Variants in MARCHF1 observed in about 807,000 individuals in gnomAD.
MARCHF1 encodes E3 ubiquitin-protein ligase MARCHF1.
In MARCHF1, 40 loss-of-function variants were observed where a neutral mutation model predicts 54.2. The observed-to-expected ratio is 0.74, with a 90% CI of 0.57 to 0.96. The LOEUF (loss-of-function observed/expected upper bound fraction) is 0.96. MARCHF1 is among the 40% of genes least tolerant of loss of function. MARCHF1 has a pLI of 0.00. For missense variants in MARCHF1, 586 were observed against 656.5 expected, an observed-to-expected ratio of 0.89 and a Z score of 1.17; for synonymous variants, 236 against 236.3, an observed-to-expected ratio of 1.00 and a Z score of 0.01.
intron 4 of MARCHF1, among the ~76,000 whole-genome samples, chr4:163,808,232 T>TA (rs1297094398): frequency 6.6e-6 from 1 of 152,216 alleles, no homozygotes; most frequent in Non-Finnish European, 1.5e-5. Flanking sequence ...TCAATTTCAC[T>TA]AATCACATGC....
chr4:164,275,755 C>A (rs373293225), intron 1 of MARCHF1, among the ~76,000 whole-genome samples: 5 of 152,260 alleles, frequency 3.3e-5, no homozygotes, highest in East Asian at 1.9e-4. Flanking sequence ...AGAAAAAGGC[C>A]TTTTCCCTTT....
At chr4:163,757,846 A>G (rs1451271251) in intron 4 of MARCHF1, among the ~76,000 whole-genome samples, 2 of 152,194 alleles carry the variant, frequency 1.3e-5, no homozygotes, top group Non-Finnish European at 2.9e-5. Context: ...TAAGGACTGG[A>G]GCATTAGCAT....
intron 4 of MARCHF1, among the ~76,000 whole-genome samples, chr4:163,810,129 T>C (rs957838700): frequency 6.6e-6 from 1 of 152,000 alleles, no homozygotes; most frequent in Non-Finnish European, 1.5e-5. Context: ...CCTTGTAAAT[T>C]TGGATTCTAT....
At chr4:164,325,752 T>A (rs897621667) in intron 1 of MARCHF1, among the ~76,000 whole-genome samples, 7 of 151,608 alleles carry the variant, frequency 4.6e-5, no homozygotes, top group Non-Finnish European at 8.8e-5. Context: ...AAAAAAGACC[T>A]CAGTGCTCAA....
intron 1 of MARCHF1, among the ~76,000 whole-genome samples, chr4:164,232,090 C>T (rs2111182325): frequency 6.6e-6 from 1 of 152,156 alleles, no homozygotes; most frequent in East Asian, 1.9e-4. Flanking sequence ...CAGCCACTCA[C>T]ATGACAAGCT....
At chr4:163,890,259 G>A (rs1750632471) in intron 3 of MARCHF1, among the ~76,000 whole-genome samples, 1 of 152,000 alleles carries the variant, frequency 6.6e-6, no homozygotes, top group Non-Finnish European at 1.5e-5. Context: ...TTAAATGTAG[G>A]AATGTATGTT....
intron 3 of MARCHF1, among the ~76,000 whole-genome samples, chr4:163,975,212 A>ACC (rs1268068270): frequency 6.6e-6 from 1 of 151,752 alleles, no homozygotes; most frequent in Admixed American, 6.6e-5. Flanking sequence ...ACACACACAC[A>ACC]CACACACACA....
intron 1 of MARCHF1, among the ~76,000 whole-genome samples, chr4:164,225,397 T>C (rs929199400): frequency 6.6e-5 from 10 of 152,112 alleles, no homozygotes; most frequent in African/African-American, 2.4e-4. Context: ...AATAACCTGA[T>C]GTCCTGTGAC....
At chr4:163,993,182 G>C (rs1391437446) in intron 2 of MARCHF1, among the ~76,000 whole-genome samples, 4 of 152,024 alleles carry the variant, frequency 2.6e-5, no homozygotes, top group Non-Finnish European at 5.9e-5. Context: ...AAGCTTAGTG[G>C]AAATAATGAG....
At chr4:164,026,315 C>T (rs1277044786) in intron 2 of MARCHF1, among the ~76,000 whole-genome samples, 1 of 152,030 alleles carries the variant, frequency 6.6e-6, no homozygotes, top group Non-Finnish European at 1.5e-5. Context: ...CCCTGATGAA[C>T]GTAGATTCAT....
intron 4 of MARCHF1, among the ~76,000 whole-genome samples, chr4:163,852,821 C>A (rs1209708076): frequency 6.6e-6 from 1 of 152,100 alleles, no homozygotes; most frequent in East Asian, 1.9e-4. Flanking sequence ...TTGTATCCTC[C>A]CAAAATTCAT....
At chr4:163,664,507 T>C (rs1011625931) in intron 5 of MARCHF1, among the ~76,000 whole-genome samples, 2 of 152,056 alleles carry the variant, frequency 1.3e-5, no homozygotes, top group African/African-American at 4.8e-5. Context: ...CCCAACACCC[T>C]AGCCAGTCAG....
intron 8 of MARCHF1, among the ~76,000 whole-genome samples, 181 bp from the exon 9 acceptor site, chr4:163,545,924 A>G (rs1209623464): frequency 5.3e-5 from 8 of 151,384 alleles, no homozygotes; most frequent in African/African-American, 1.9e-4. Flanking sequence ...TAACCTAGAG[A>G]GTTACATATA....
intron 2 of MARCHF1, among the ~76,000 whole-genome samples, chr4:164,111,144 C>G (rs533108156): frequency 6.6e-6 from 1 of 151,502 alleles, no homozygotes; most frequent in Non-Finnish European, 1.5e-5. Flanking sequence ...ATGTATAATC[C>G]AAGTATTAGT....
chr4:163,683,365 C>A (rs374627461), intron 5 of MARCHF1, among the ~76,000 whole-genome samples: 1 of 152,048 alleles, frequency 6.6e-6, no homozygotes, highest in Non-Finnish European at 1.5e-5. Context: ...AAGAACAGCA[C>A]GGGAAAGACC....
At chr4:163,548,079 G>A (rs1317852662) in intron 8 of MARCHF1, among the ~76,000 whole-genome samples, 1 of 152,198 alleles carries the variant, frequency 6.6e-6, no homozygotes, top group South Asian at 2.1e-4. Flanking sequence ...AAAACCTCAT[G>A]TCCGTGCAAG....
chr4:164,125,503 A>G (rs1756160852), intron 1 of MARCHF1, among the ~76,000 whole-genome samples: 1 of 152,186 alleles, frequency 6.6e-6, no homozygotes, highest in Non-Finnish European at 1.5e-5. Context: ...AAGAGATCTT[A>G]TGAATTCCAG....
At chr4:163,772,275 G>T (rs1747183689) in intron 4 of MARCHF1, among the ~76,000 whole-genome samples, 1 of 152,176 alleles carries the variant, frequency 6.6e-6, no homozygotes, top group Admixed American at 6.5e-5. Context: ...AGGGAATAAT[G>T]TAATGGAAAA....
At chr4:163,644,926 A>T (rs553999260) in intron 5 of MARCHF1, among the ~76,000 whole-genome samples, 2 of 152,258 alleles carry the variant, frequency 1.3e-5, no homozygotes, top group South Asian at 4.1e-4. Flanking sequence ...ACCTCCTAAG[A>T]GACATACCCC....
Sources: gnomAD v4.1 joint callset for allele counts (sites outside exome capture counted in the v4.1 genomes callset) on GRCh38, gnomAD v4.1.1 for gene constraint, MANE v1.5 for transcripts, NCBI Gene and HGNC (gene_info 2026-07-23, HGNC 2026-07-21) for gene names.